Variants in ACTR2 observed in about 807,000 individuals in gnomAD.
ACTR2 encodes the protein actin related protein 2.
In ACTR2, 5 loss-of-function variants were observed where a neutral mutation model predicts 50.2. The ratio of observed to expected loss-of-function variants is 0.10; its 90% CI spans 0.05 to 0.21. The LOEUF is 0.21. Among genes scored for constraint, ACTR2 ranks in the 10% least tolerant of loss-of-function variants. The pLI is 1.00. For missense variants in ACTR2, 180 were observed against 480.6 expected (o/e 0.37, Z 5.85); for synonymous variants, 140 against 162.9 (o/e 0.86, Z 1.07).
At chr2:65,255,725 G>A (rs1327862129) in intron 6 of ACTR2, 31 bp downstream of exon 6, 19 of 1,564,100 alleles carry the variant, frequency 1.2e-5, no homozygotes, top group Admixed American at 1.8e-5. Context: ...ATATATATGT[G>A]TTTTAAAGTG....
intron 4 of ACTR2, 56 bp downstream of exon 4, chr2:65,251,155 T>G (rs1672042082): frequency 3.1e-6 from 4 of 1,278,242 alleles, no homozygotes; most frequent in Non-Finnish European, 4.4e-6. Flanking sequence ...ATTATGTATG[T>G]TTTATGTCAG....
At chr2:65,268,518 G>A (rs781507626) in intron 8 of ACTR2, 46 bp from the exon 9 acceptor site, 1 of 1,545,248 alleles carries the variant, frequency 6.5e-7, no homozygotes, top group Non-Finnish European at 8.8e-7. Flanking sequence ...AAAGCAGAAA[G>A]CACTGTGCAC....
intron 3 of ACTR2, among the ~76,000 whole-genome samples, chr2:65,250,153 A>G (rs1261269448): frequency 1.3e-5 from 2 of 151,800 alleles, no homozygotes; most frequent in Non-Finnish European, 2.9e-5. Context: ...TCATGAGGTC[A>G]GGAGATGGAG....
intron 2 of ACTR2, chr2:65,242,155 G>A: frequency 3.4e-6 from 3 of 885,400 alleles, no homozygotes; most frequent in South Asian, 1.6e-5. Flanking sequence ...TATTGGGGAG[G>A]GGGGGTTATT....
intron 5 of ACTR2, among the ~76,000 whole-genome samples, chr2:65,254,495 A>G (rs768525330): frequency 6.6e-6 from 1 of 152,212 alleles, no homozygotes; most frequent in Non-Finnish European, 1.5e-5. Context: ...GCTAACATAT[A>G]TCATTTTTAA....
intron 6 of ACTR2, among the ~76,000 whole-genome samples, chr2:65,259,700 G>A (rs1018137586): frequency 6.6e-6 from 1 of 152,174 alleles, no homozygotes; most frequent in Non-Finnish European, 1.5e-5. Flanking sequence ...CTACACTCCA[G>A]CCTGGGCAAC....
chr2:65,236,570 GGTTTT>G (rs781663735), intron 1 of ACTR2, among the ~76,000 whole-genome samples: 217 of 151,690 alleles, frequency 1.4e-3, no homozygotes, highest in Non-Finnish European at 2.4e-3. Flanking sequence ...TGTTTTTTTG[GGTTTT>G]GTTTTGTTTT....
intron 1 of ACTR2, among the ~76,000 whole-genome samples, chr2:65,238,787 G>A (rs1192513513): frequency 6.6e-6 from 1 of 151,802 alleles, no homozygotes; most frequent in African/African-American, 2.4e-5. Context: ...GGCCAACATG[G>A]TGAAACCCTG....
chr2:65,267,516 C>G lies in ACTR2; in HGVS notation c.1015-1048C>G, dbSNP rs538873850. Among the ~76,000 whole-genome samples the G allele has an allele frequency of 3.3e-5, 5 of 152,168 alleles. No homozygotes were observed. In the East Asian group the frequency reaches 9.6e-4, roughly 29 times the overall value. On this transcript the variant is annotated intron_variant, in intron 8 of 8. Coordinates refer to ENST00000260641, the MANE Select transcript of ACTR2 (RefSeq NM_005722.4). ...GTTACATTGGGTCTTTTTTGCAGATCGTGATACTGTAAATGAAAAACTTGC... is the reference window on the plus strand; with the variant it reads ...GTTACATTGGGTCTTTTTTGCAGATGGTGATACTGTAAATGAAAAACTTGC...
intron 2 of ACTR2, chr2:65,241,929 T>G: frequency 7.5e-7 from 1 of 1,336,948 alleles, no homozygotes; most frequent in Non-Finnish European, 1.0e-6. Context: ...GCATCTGACC[T>G]CAACCTAATT....
At chr2:65,238,174 T>A (rs944864333) in intron 1 of ACTR2, among the ~76,000 whole-genome samples, 17 of 151,836 alleles carry the variant, frequency 1.1e-4, no homozygotes, top group African/African-American at 3.9e-4. Context: ...CTCTAAATTT[T>A]AAATATTTTT....
At chr2:65,264,533 G>C (rs1006523175) in intron 7 of ACTR2, among the ~76,000 whole-genome samples, 1 of 152,146 alleles carries the variant, frequency 6.6e-6, no homozygotes, top group Non-Finnish European at 1.5e-5. Flanking sequence ...GTAGATAGCA[G>C]GGTACTGTAT....
intron 5 of ACTR2, among the ~76,000 whole-genome samples, chr2:65,255,153 T>C (rs1192578697): frequency 1.3e-5 from 2 of 152,184 alleles, no homozygotes; most frequent in Non-Finnish European, 2.9e-5. Flanking sequence ...TTTTAAAGAC[T>C]TGGGGGCATT....
chr2:65,249,663 A>T (rs1040876103), intron 3 of ACTR2, among the ~76,000 whole-genome samples: 2 of 152,196 alleles, frequency 1.3e-5, no homozygotes, highest in Admixed American at 6.5e-5. Flanking sequence ...AGTGATAGGC[A>T]ACCCTACCAG....
chr2:65,248,182 A>G (rs1229820714), intron 3 of ACTR2, among the ~76,000 whole-genome samples: 1 of 152,268 alleles, frequency 6.6e-6, no homozygotes, highest in Middle Eastern at 3.4e-3. Context: ...TGGGCGGATC[A>G]CGAGGTCAAG....
intron 2 of ACTR2, among the ~76,000 whole-genome samples, chr2:65,244,111 C>T (rs1053208590): frequency 1.3e-5 from 2 of 152,066 alleles, no homozygotes; most frequent in African/African-American, 4.8e-5. Flanking sequence ...TTCAGTTAAT[C>T]CTTTATAGTA....
intron 1 of ACTR2, among the ~76,000 whole-genome samples, chr2:65,229,847 A>G (rs1003665871): frequency 1.3e-5 from 2 of 152,170 alleles, no homozygotes; most frequent in Admixed American, 1.3e-4. Flanking sequence ...TGCTATGGAA[A>G]CGTCTAAGAT....
intron 5 of ACTR2, 29 bp from the exon 6 acceptor site, chr2:65,255,516 A>T: frequency 6.2e-7 from 1 of 1,601,490 alleles, no homozygotes; most frequent in East Asian, 2.2e-5. Flanking sequence ...CAGATGTATT[A>T]TGAACTTATT....
chr2:65,232,997 G>T (rs1192783055), intron 1 of ACTR2, among the ~76,000 whole-genome samples: 4 of 140,952 alleles, frequency 2.8e-5, no homozygotes, highest in Middle Eastern at 3.5e-3. Context: ...TCATGGTTTA[G>T]TTTTTTTTTT....
Sources: gnomAD v4.1 joint callset for allele counts (sites outside exome capture counted in the v4.1 genomes callset) on GRCh38, gnomAD v4.1.1 for gene constraint, MANE v1.5 for transcripts, NCBI Gene and HGNC (gene_info 2026-07-23, HGNC 2026-07-21) for gene names.